Variants in PHC3 observed in about 807,000 individuals in gnomAD.
The protein encoded by PHC3 is polyhomeotic homolog 3.
A neutral mutation model predicts 107.4 loss-of-function variants in PHC3; 13 were observed. That is an observed-to-expected ratio of 0.12 (90% CI 0.08 to 0.19). The LOEUF (loss-of-function observed/expected upper bound fraction) is 0.19, where lower values mean the gene tolerates loss of function less well. Ranked by LOEUF, PHC3 falls within the 10% of genes least tolerant of loss-of-function variation. The pLI is 1.00. For missense variants in PHC3, 992 were observed against 1,210.9 expected, an observed-to-expected ratio of 0.82 and a Z score of 2.68; for synonymous variants, 456 against 427.4, an observed-to-expected ratio of 1.07 and a Z score of -0.83.
chr3:170,159,465 A>C (rs1023303914), intron 4 of PHC3, among the ~76,000 whole-genome samples: 2 of 152,266 alleles, frequency 1.3e-5, no homozygotes, highest in Non-Finnish European at 2.9e-5. Flanking sequence ...ACACACAAAA[A>C]AAGGCAGTAA....
intron 14 of PHC3, among the ~76,000 whole-genome samples, chr3:170,098,033 T>G (rs1182168010): frequency 1.3e-5 from 2 of 152,196 alleles, no homozygotes; most frequent in Non-Finnish European, 2.9e-5. Context: ...GTCTCCACTT[T>G]TGTTAAGAAA....
intron 4 of PHC3, among the ~76,000 whole-genome samples, chr3:170,164,218 C>A (rs796685190): frequency 5.3e-5 from 8 of 151,884 alleles, no homozygotes; most frequent in African/African-American, 1.7e-4. Flanking sequence ...AACAAACAAA[C>A]AAAAAAATAC....
At chr3:170,157,379 G>A (rs1157063385) in intron 4 of PHC3, among the ~76,000 whole-genome samples, 1 of 152,204 alleles carries the variant, frequency 6.6e-6, no homozygotes, top group Non-Finnish European at 1.5e-5. Context: ...CAGACGGACT[G>A]AAAGGGAAAA....
At chr3:170,099,382 A>T (rs962069051) in intron 14 of PHC3, among the ~76,000 whole-genome samples, 2 of 152,218 alleles carry the variant, frequency 1.3e-5, no homozygotes, top group African/African-American at 2.4e-5. Context: ...GAAATTTAAA[A>T]AAAAGTGACT....
chr3:170,133,109 TGAAG>T, intron 7 of PHC3, among the ~76,000 whole-genome samples: 1 of 152,138 alleles, frequency 6.6e-6, no homozygotes, highest in East Asian at 1.9e-4. Context: ...TAAAATGACT[TGAAG>T]GAACATTTTT....
chr3:170,136,473 A>G lies in PHC3; in HGVS notation c.865T>C (p.Ser289Pro). 6.2e-7 allele frequency: 1 copy of G among 1,604,862 alleles called. No individual in the cohort carries two copies. The highest frequency in any genetic ancestry group is 8.5e-7 in the Non-Finnish European group (1 of 1,176,704). ...NKKGESPSLE[S>P]RSTAVTRTSS... ...GTCCGGGTGACAGCTGTGCTTCGTG[A>G]TTCCAGGCTTGGGCTCTCTCCTTTC... The change falls in exon 7 of 15, where the codon TCA becomes CCA. Residue 289 changes from serine to proline, a missense_variant. Physicochemically the swap from Ser to Pro is moderately conservative, Grantham distance 74 (BLOSUM62 -1). This residue lies in a region of PHC3 where 543 missense variants were observed against 590.8 expected (regional missense o/e 0.92). Coordinates refer to ENST00000495893, the MANE Select transcript of PHC3 (RefSeq NM_024947.4).
intron 1 of PHC3, among the ~76,000 whole-genome samples, chr3:170,181,256 G>A (rs1356769211): frequency 6.6e-6 from 1 of 152,182 alleles, no homozygotes; most frequent in Admixed American, 6.5e-5. Context: ...GGGTGGCGCC[G>A]GGGCGGGAAG....
intron 2 of PHC3, among the ~76,000 whole-genome samples, chr3:170,175,636 A>AG (rs1475014809): frequency 0.016 from 2,356 of 148,776 alleles, 65 homozygotes; most frequent in African/African-American, 0.051. Context: ...AAAAAAAAAA[A>AG]GGGGGGGGCC....
At chr3:170,108,868 T>C (rs1576987740) in intron 11 of PHC3, among the ~76,000 whole-genome samples, 1 of 152,156 alleles carries the variant, frequency 6.6e-6, no homozygotes, top group Non-Finnish European at 1.5e-5. Context: ...AACATAGCAA[T>C]GTCCAACACC....
chr3:170,124,225 C>G (rs1352344982), intron 8 of PHC3, among the ~76,000 whole-genome samples: 1 of 152,168 alleles, frequency 6.6e-6, no homozygotes, highest in South Asian at 2.1e-4. Flanking sequence ...AATTTGTTAT[C>G]ATTTATTATT....
In PHC3 at chr3:170,097,109, T is replaced by A; in HGVS notation, c.*121A>T. 1.2e-6 allele frequency: 1 copy of A among 816,646 alleles called. No homozygotes were observed. The highest frequency in any genetic ancestry group is 1.8e-6 in the Non-Finnish European group (1 of 556,636). 50.6% of individuals were successfully genotyped at this position (816,646 alleles called of 1,614,324 possible). A position where few individuals can be genotyped will look rare whatever the true frequency, so the allele number is the denominator to read the frequency against. ...GAAATGTCAGTATTTGATGTGGAGA[T>A]CCCAATGTGCTTGGCTATCCACCAC... On this transcript the variant is annotated 3_prime_UTR_variant, in exon 15 of 15. Transcript: ENST00000495893. The surrounding 1 kb of genome is among the most constrained non-coding windows in gnomAD (Gnocchi z 4.1).
chr3:170,142,875 AAGAAGATCATTATTTC>A (rs1261020914), intron 6 of PHC3, among the ~76,000 whole-genome samples: 2 of 152,194 alleles, frequency 1.3e-5, no homozygotes, highest in Non-Finnish European at 2.9e-5. Flanking sequence ...AACAAAAAAA[AAGAAGATCATTATTTC>A]AGGCTGGCAC....
At chr3:170,145,701 A>G (rs994325260) in intron 5 of PHC3, among the ~76,000 whole-genome samples, 180 bp from the exon 6 acceptor site, 7 of 152,386 alleles carry the variant, frequency 4.6e-5, no homozygotes, top group African/African-American at 1.4e-4. Flanking sequence ...AACTCAAAAA[A>G]AATCATAAAC....
chr3:170,122,508 G>A, intron 9 of PHC3, 83 bp downstream of exon 9: 2 of 1,426,186 alleles, frequency 1.4e-6, no homozygotes, highest in South Asian at 2.3e-5. Flanking sequence ...AGGGTGAAAG[G>A]AGGAAAGGGA....
intron 8 of PHC3, among the ~76,000 whole-genome samples, chr3:170,125,012 T>C (rs1441861559): frequency 6.6e-6 from 1 of 152,204 alleles, no homozygotes; most frequent in South Asian, 2.1e-4. Flanking sequence ...TACTGGATAA[T>C]TTTATATCAA....
chr3:170,092,388 TTATC>T lies in PHC3; in HGVS notation c.*4838_*4841del, dbSNP rs1467262996. 3 of 152,230 alleles carry T rather than the reference TTATC, an allele frequency of 2.0e-5. No individual in the cohort carries two copies. Among genetic ancestry groups the T allele is most frequent in the Non-Finnish European group, 4.4e-5 (3 of 68,038 alleles). The allele number at this position is 152,230 out of a possible 1,614,324, so 9.4% of individuals were successfully genotyped here. On this transcript the variant is annotated 3_prime_UTR_variant, in exon 15 of 15. Coordinates refer to ENST00000495893, the MANE Select transcript of PHC3 (RefSeq NM_024947.4). ...ACTTTTCCTAATACTGTATTTGTGCTTATCTAAAGTGGATCACAATCTTTGAGAT... is the reference window on the plus strand; with the variant it reads ...ACTTTTCCTAATACTGTATTTGTGCTTAAAGTGGATCACAATCTTTGAGAT...
chr3:170,152,889 T>C (rs1399040741), intron 4 of PHC3, among the ~76,000 whole-genome samples: 2 of 151,838 alleles, frequency 1.3e-5, no homozygotes, highest in Non-Finnish European at 2.9e-5. Flanking sequence ...CTCAAACTCC[T>C]GGGCTCAAGC....
intron 1 of PHC3, among the ~76,000 whole-genome samples, chr3:170,180,968 G>A (rs979307319): frequency 5.3e-5 from 8 of 152,198 alleles, no homozygotes; most frequent in Admixed American, 5.2e-4. Context: ...GCAAAATACA[G>A]CCAGCAGTTC....
At chr3:170,167,829 T>C (rs1728962732) in intron 4 of PHC3, among the ~76,000 whole-genome samples, 1 of 152,058 alleles carries the variant, frequency 6.6e-6, no homozygotes, top group African/African-American at 2.4e-5. Flanking sequence ...TCACTGTTTA[T>C]CTTACTAATA....
Sources: allele counts gnomAD v4.1 joint callset (sites outside exome capture counted in the v4.1 genomes callset), GRCh38; gene constraint gnomAD v4.1.1; regional missense constraint gnomAD v4.1.1; non-coding constraint Gnocchi (gnomAD v3.1); transcripts MANE v1.5; gene names NCBI Gene and HGNC (gene_info 2026-07-23, HGNC 2026-07-21).